The following CCDC57 variants were observed in gnomAD, a reference collection of about 807,000 sequenced individuals.
The protein encoded by CCDC57 is coiled-coil domain containing 57.
Under a neutral mutation model 118.9 loss-of-function variants are expected in CCDC57, and 118 were observed. That is an observed-to-expected ratio of 0.99 (90% confidence interval 0.86 to 1.16). The LOEUF is 1.16. Among genes scored for constraint, CCDC57 ranks in the 50% most tolerant of loss-of-function variants. CCDC57 has a pLI of 0.00. For synonymous variants in CCDC57, 527 were observed against 532.9 expected (o/e 0.99, Z 0.15); for missense variants, 1,300 against 1,320.7 (o/e 0.98, Z 0.24).
intron 7 of CCDC57, 52 bp from the exon 7 acceptor site, chr17:82,188,471 C>T: frequency 6.5e-7 from 1 of 1,548,854 alleles, no homozygotes; most frequent in South Asian, 1.2e-5. Context: ...AACACCCAGG[C>T]CCCAGACCCT....
intron 19 of CCDC57, chr17:82,113,482 G>T (rs2035446021): frequency 4.2e-6 from 3 of 717,600 alleles, no homozygotes; most frequent in Non-Finnish European, 7.8e-6. Context: ...GGACTGTCCT[G>T]ATCCCACTGC....
At chr17:82,200,876 G>A (rs889889779) in intron 3 of CCDC57, among the ~76,000 whole-genome samples, 8 of 152,230 alleles carry the variant, frequency 5.3e-5, no homozygotes. Flanking sequence ...ATCCTGTTAA[G>A]TGTAAACAGA....
Position 82,201,426 on chromosome 17 carries a change from C to T in CCDC57, c.407+112G>A, listed in dbSNP as rs1010306844. ...AGCTCCCGTGGCCTGGAATCAGCAGCGGGAGGAGGGGCAGTGAGAGTGGGC... is the reference window on the plus strand; with the variant it reads ...AGCTCCCGTGGCCTGGAATCAGCAGTGGGAGGAGGGGCAGTGAGAGTGGGC... On this transcript the variant is annotated intron_variant, in intron 3 of 19. Coordinates refer to ENST00000665763, the Ensembl canonical transcript of CCDC57. The T allele has an allele frequency of 1.4e-5, 18 of 1,310,764 alleles. No individual in the cohort carries two copies. In the African/African-American group the frequency reaches 1.8e-4, roughly 13 times the overall value. 81.2% of individuals were successfully genotyped at this position (1,310,764 alleles called of 1,614,324 possible).
intron 19 of CCDC57, among the ~76,000 whole-genome samples, chr17:82,103,907 C>T (rs1454406422): frequency 6.6e-6 from 1 of 152,144 alleles, no homozygotes; most frequent in Non-Finnish European, 1.5e-5. Flanking sequence ...AGAATATCCA[C>T]TTTACAGGCT....
intron 13 of CCDC57, among the ~76,000 whole-genome samples, chr17:82,164,510 ATTCT>A (rs2043747320): frequency 6.6e-6 from 1 of 152,238 alleles, no homozygotes; most frequent in Admixed American, 6.5e-5. Context: ...TCAACAGTTG[ATTCT>A]TTGAGAAGGC....
chr17:82,171,563 G>A (rs1201518223), intron 13 of CCDC57, 138 bp downstream of exon 12: 7 of 839,626 alleles, frequency 8.3e-6, no homozygotes, highest in African/African-American at 1.7e-5. Context: ...GGGAGCACAA[G>A]GGGCTGCTGG....
intron 2 of CCDC57, among the ~76,000 whole-genome samples, chr17:82,204,692 A>G (rs1401793438): frequency 2.0e-5 from 3 of 152,166 alleles, no homozygotes; most frequent in Non-Finnish European, 2.9e-5. Flanking sequence ...CTGAGGCAGG[A>G]GAATGGCGTG....
At chr17:82,193,802 A>T in exon 7 of CCDC57, 1 of 1,600,420 alleles carries the variant, frequency 6.2e-7, no homozygotes, top group Non-Finnish European at 8.5e-7. Context: ...AGCTGCACAG[A>T]GTGAAGTTTA....
intron 15 of CCDC57, chr17:82,152,149 G>T (rs749694635): frequency 9.9e-5 from 25 of 252,860 alleles, no homozygotes; most frequent in Non-Finnish European, 1.9e-4. Flanking sequence ...TCCCCAGGGA[G>T]AGCAGAGAGA....
At chr17:82,147,985 G>A (rs2041062294) in intron 16 of CCDC57, among the ~76,000 whole-genome samples, 1 of 95,854 alleles carries the variant, frequency 1.0e-5, no homozygotes, top group Non-Finnish European at 2.1e-5. Flanking sequence ...GTGAATGGAT[G>A]AATGGGTGGG....
chr17:82,165,529 C>T (rs993645801), intron 13 of CCDC57, among the ~76,000 whole-genome samples: 4 of 151,998 alleles, frequency 2.6e-5, no homozygotes, highest in African/African-American at 7.2e-5. Flanking sequence ...CTGGGACCAA[C>T]GGAGCAAGAA....
intron 7 of CCDC57, among the ~76,000 whole-genome samples, chr17:82,191,015 TGAA>T (rs969818155): frequency 1.3e-5 from 2 of 151,760 alleles, no homozygotes; most frequent in African/African-American, 4.8e-5. Flanking sequence ...AAATTCCTGA[TGAA>T]GAAAGCTGTG....
intron 2 of CCDC57, among the ~76,000 whole-genome samples, chr17:82,204,737 C>G (rs931596550): frequency 1.3e-5 from 2 of 152,050 alleles, no homozygotes; most frequent in African/African-American, 4.8e-5. Flanking sequence ...GAGCTGAGAT[C>G]GCACCACTGC....
At chr17:82,200,807 AAG>A (rs2048905025) in intron 3 of CCDC57, among the ~76,000 whole-genome samples, 1 of 152,206 alleles carries the variant, frequency 6.6e-6, no homozygotes, top group African/African-American at 2.4e-5. Flanking sequence ...AAAAAAAGAA[AAG>A]AAAAAAAATG....
At chr17:82,204,770 G>C (rs1341105328) in intron 2 of CCDC57, among the ~76,000 whole-genome samples, 1 of 152,026 alleles carries the variant, frequency 6.6e-6, no homozygotes. Context: ...GCAACAAAGA[G>C]AGACTCCATC....
chr17:82,184,029 G>GCTCA, intron 8 of CCDC57, 97 bp from the exon 8 acceptor site: 2 of 235,814 alleles, frequency 8.5e-6, no homozygotes, highest in Non-Finnish European at 1.5e-5. Context: ...GCGCGCGCGC[G>GCTCA]CGCACACACA....
intron 9 of CCDC57, among the ~76,000 whole-genome samples, chr17:82,180,696 C>T (rs1021191519): frequency 6.6e-6 from 1 of 152,182 alleles, no homozygotes; most frequent in African/African-American, 2.4e-5. Context: ...AGGATCGTCT[C>T]GATCTCCTGA....
intron 19 of CCDC57, chr17:82,113,539 G>A (rs1330749568): frequency 2.8e-6 from 2 of 717,578 alleles, no homozygotes; most frequent in Non-Finnish European, 5.2e-6. Flanking sequence ...GCATGTTTTT[G>A]CACACTGAGG....
chr17:82,157,017 C>A (rs2042761294), intron 15 of CCDC57: 1 of 152,610 alleles, frequency 6.6e-6, no homozygotes, highest in African/African-American at 2.4e-5. Flanking sequence ...TACCACAGGT[C>A]ATAGGTCACT....
Sources: allele counts gnomAD v4.1 joint callset (sites outside exome capture counted in the v4.1 genomes callset), GRCh38; gene constraint gnomAD v4.1.1; transcripts MANE v1.5; gene names NCBI Gene and HGNC (gene_info 2026-07-23, HGNC 2026-07-21).